FMN1: variants seen among roughly 807,000 people sequenced by gnomAD.
FMN1 encodes formin 1.
Under a neutral mutation model 132.4 loss-of-function variants are expected in FMN1, and 110 were observed. The observed-to-expected ratio is 0.83, with a 90% CI of 0.71 to 0.97. The LOEUF is 0.97. FMN1 is among the 50% of genes least tolerant of loss of function. The probability of loss-of-function intolerance (pLI) is 0.00; values close to 1 mark genes in which losing one functional copy is unlikely to be tolerated. For missense variants in FMN1, 1,792 were observed against 1,705.3 expected (o/e 1.05, Z -0.90); for synonymous variants, 722 against 651.7 (o/e 1.11, Z -1.64).
chr15:33,183,285 A>G (rs906854641), intron 2 of FMN1, among the ~76,000 whole-genome samples: 7 of 152,348 alleles, frequency 4.6e-5, no homozygotes, highest in African/African-American at 1.4e-4. Flanking sequence ...ATAAAATTAG[A>G]TAGAACTTTT....
chr15:32,890,638 T>C (rs1392439442), intron 15 of FMN1, among the ~76,000 whole-genome samples: 2 of 152,216 alleles, frequency 1.3e-5, no homozygotes, highest in Non-Finnish European at 2.9e-5. Flanking sequence ...TGATTTGAGT[T>C]CACTGTAGAT....
At chr15:33,098,043 T>C (rs570730176) in intron 4 of FMN1, among the ~76,000 whole-genome samples, 32 of 152,304 alleles carry the variant, frequency 2.1e-4, no homozygotes, top group Middle Eastern at 6.8e-3. Flanking sequence ...CAAAATCATA[T>C]GAAATATATT....
rs191689649 is a variant in FMN1, at chr15:32,862,178, C to G, written c.3836-5071G>C. Among the ~76,000 whole-genome samples the G allele has an allele frequency of 1.1e-3, 165 of 152,162 alleles. 1 individual carries two copies. The highest frequency in any genetic ancestry group is 2.4e-4 in the Non-Finnish European group (16 of 68,006). ...ATGATGACACCGGAGACTGGCAGTG[C>G]ATAAAGGAGAGAGGTCATGGACAGA... On this transcript the variant is annotated intron_variant, in intron 16 of 20. Transcript: ENST00000616417.
chr15:32,878,228 G>A (rs1332287361), intron 16 of FMN1, among the ~76,000 whole-genome samples: 2 of 152,180 alleles, frequency 1.3e-5, no homozygotes, highest in African/African-American at 2.4e-5. Context: ...AAGAAGGCCC[G>A]TGTGGCTGGA....
chr15:32,889,360 T>A (rs1248872627), intron 15 of FMN1, among the ~76,000 whole-genome samples: 2 of 152,178 alleles, frequency 1.3e-5, no homozygotes, highest in Non-Finnish European at 2.9e-5. Context: ...TCTTAGGCCG[T>A]CTTCAATTAT....
intron 17 of FMN1, 47 bp from the exon 18 acceptor site, chr15:32,804,379 C>T (rs2057586630): frequency 4.3e-6 from 5 of 1,154,060 alleles, no homozygotes; most frequent in Non-Finnish European, 4.8e-6. Flanking sequence ...CTGTTGTCTC[C>T]TTTGCGTAAT....
rs569642277 is a variant in FMN1, at chr15:32,898,874, A to G, written c.3674T>C (p.Val1225Ala). Residue 1225 changes from valine (V) to alanine (A), a missense_variant, in exon 15 of 21, where the codon GTG becomes GCG. Physicochemically the swap from Val to Ala is moderately conservative, Grantham distance 64. Transcript: ENST00000616417. The part of the protein sequence containing the change: ...VKSRDNGINL[V>A]DYVVKYYLRY... ...CAGGTAATACTTAACAACGTAGTCCACCAGATTAATCCCATTATCCTAGGT... is the reference window on the plus strand; with the variant it reads ...CAGGTAATACTTAACAACGTAGTCCGCCAGATTAATCCCATTATCCTAGGT... The G allele has an allele frequency of 1.0e-5, 16 of 1,598,406 alleles. No homozygotes were observed. Among genetic ancestry groups the G allele is most frequent in the Middle Eastern group, 3.3e-4 (2 of 6,028 alleles).
chr15:32,912,997 C>T lies in FMN1; in HGVS notation c.3227-2462G>A, dbSNP rs1019195302. Among the ~76,000 whole-genome samples, 9 of 152,222 alleles carry T rather than the reference C, an allele frequency of 5.9e-5. No individual in the cohort carries two copies. The East Asian group carries it at 1.5e-3, about 26-fold the overall frequency. On this transcript the variant is annotated intron_variant, in intron 10 of 20. Transcript: ENST00000616417. Reference sequence around the variant, plus strand: ...AAATGTGTTTTAATGCTTGTTAATGCCTTATCCCCTTTAACATCTGGAAAG... The same window carrying T: ...AAATGTGTTTTAATGCTTGTTAATGTCTTATCCCCTTTAACATCTGGAAAG...
At chr15:33,003,892 T>C (rs975433414) in intron 7 of FMN1, among the ~76,000 whole-genome samples, 13 of 152,288 alleles carry the variant, frequency 8.5e-5, no homozygotes, top group Admixed American at 6.5e-5. Flanking sequence ...TAATGCCGCA[T>C]ATCTACAACT....
chr15:33,021,937 T>C (rs1265869158), intron 6 of FMN1, among the ~76,000 whole-genome samples: 1 of 152,152 alleles, frequency 6.6e-6, no homozygotes, highest in Non-Finnish European at 1.5e-5. Context: ...AGGCACACAC[T>C]TAACTAGAAT....
At chr15:32,792,458 A>AG (rs2057119766) in intron 19 of FMN1, among the ~76,000 whole-genome samples, 1 of 113,608 alleles carries the variant, frequency 8.8e-6, no homozygotes, top group Non-Finnish European at 2.0e-5. Context: ...ACAAAATAAA[A>AG]CAAACAAACA....
At chr15:33,035,485 C>G (rs993165328) in intron 6 of FMN1, among the ~76,000 whole-genome samples, 8 of 152,168 alleles carry the variant, frequency 5.3e-5, no homozygotes, top group African/African-American at 1.9e-4. Flanking sequence ...TAGCTAACTG[C>G]TTTACTGCTC....
Position 32,900,126 on chromosome 15 carries a change from C to T in FMN1, c.3508-1G>A. ...TCACGCTCTTCACGTGCAGCAAGTC[C>T]TGTGATGGCAAACACCAGTTATTAC... On this transcript the variant is annotated splice_acceptor_variant, in intron 13 of 20. Coordinates refer to ENST00000616417, the MANE Select transcript of FMN1 (RefSeq NM_001277313.2). LOFTEE classifies it high-confidence loss of function. The T allele has an allele frequency of 6.2e-7, 1 of 1,613,644 alleles. No homozygotes were observed. Among genetic ancestry groups the T allele is most frequent in the Non-Finnish European group, 8.5e-7 (1 of 1,179,860 alleles).
chr15:33,087,245 T>C (rs1251800596), intron 5 of FMN1, among the ~76,000 whole-genome samples: 1 of 152,114 alleles, frequency 6.6e-6, no homozygotes, highest in East Asian at 1.9e-4. Flanking sequence ...AAAACAAGAA[T>C]GAATAAGAAA....
At chr15:33,030,229 T>C (rs1180651801) in intron 6 of FMN1, among the ~76,000 whole-genome samples, 2 of 152,254 alleles carry the variant, frequency 1.3e-5, no homozygotes, top group South Asian at 2.1e-4. Flanking sequence ...GCAGATAGTA[T>C]TAGCTGACTG....
chr15:33,036,102 C>A (rs1025153993), intron 6 of FMN1, among the ~76,000 whole-genome samples: 7 of 152,180 alleles, frequency 4.6e-5, no homozygotes, highest in African/African-American at 1.7e-4. Context: ...TGGAATAAAT[C>A]TCTTTTCTTT....
At chr15:32,958,057 A>G (rs1277947169) in intron 9 of FMN1, among the ~76,000 whole-genome samples, 1 of 152,182 alleles carries the variant, frequency 6.6e-6, no homozygotes, top group Non-Finnish European at 1.5e-5. Context: ...AATGGAATTG[A>G]TAAGGTCAAA....
At chr15:32,789,779 T>C (rs1404297326) in intron 19 of FMN1, among the ~76,000 whole-genome samples, 5 of 152,212 alleles carry the variant, frequency 3.3e-5, no homozygotes, top group African/African-American at 1.2e-4. Context: ...TGTACCATTT[T>C]CTATCTTTTA....
chr15:32,981,756 GAT>G (rs2032694756), intron 7 of FMN1, among the ~76,000 whole-genome samples: 1 of 151,842 alleles, frequency 6.6e-6, no homozygotes, highest in African/African-American at 2.4e-5. Flanking sequence ...ATTCATTTAG[GAT>G]ATGTTACTTA....
Sources: gnomAD v4.1 joint callset for allele counts (sites outside exome capture counted in the v4.1 genomes callset) on GRCh38, gnomAD v4.1.1 for gene constraint, MANE v1.5 for transcripts, NCBI Gene and HGNC (gene_info 2026-07-23, HGNC 2026-07-21) for gene names.